PARD3: variants seen among roughly 807,000 people sequenced by gnomAD.
PARD3 encodes the protein partitioning defective 3 homolog.
A neutral mutation model predicts 155.4 loss-of-function variants in PARD3; 75 were observed. That is an observed-to-expected ratio of 0.48 (90% CI 0.40 to 0.58). The LOEUF (loss-of-function observed/expected upper bound fraction) is 0.58, where lower values mean the gene tolerates loss of function less well. PARD3 is among the 20% of genes least tolerant of loss of function. The pLI is 0.00. For synonymous variants in PARD3, 576 were observed against 610.5 expected, an observed-to-expected ratio of 0.94 and a Z score of 0.83; for missense variants, 1,642 against 1,721.7, an observed-to-expected ratio of 0.95 and a Z score of 0.82.
intron 22 of PARD3, among the ~76,000 whole-genome samples, chr10:34,241,596 A>G (rs1953600915): frequency 6.6e-6 from 1 of 152,242 alleles, no homozygotes; most frequent in Non-Finnish European, 1.5e-5. Flanking sequence ...CTCAATACAG[A>G]GCAGGGCAAC....
intron 2 of PARD3, among the ~76,000 whole-genome samples, chr10:34,684,778 T>TACACACACACACACAC (rs3087285): frequency 1.7e-5 from 2 of 119,036 alleles, no homozygotes; most frequent in African/African-American, 3.1e-5. Flanking sequence ...TGATGATACA[T>TACACACACACACACAC]ACACACACAC....
At chr10:34,642,291 G>C (rs946160291) in intron 2 of PARD3, among the ~76,000 whole-genome samples, 5 of 152,026 alleles carry the variant, frequency 3.3e-5, no homozygotes. Context: ...CCACGTCAAA[G>C]GGCCCAGCTG....
intron 2 of PARD3, among the ~76,000 whole-genome samples, chr10:34,665,358 C>CAA (rs201938800): frequency 3.5e-5 from 4 of 114,852 alleles, no homozygotes; most frequent in African/African-American, 1.8e-4. Flanking sequence ...CTGAAAAAAA[C>CAA]AAACAAAAAA....
chr10:34,665,839 A>ACAC (rs933738513), intron 2 of PARD3, among the ~76,000 whole-genome samples: 7 of 140,916 alleles, frequency 5.0e-5, no homozygotes, highest in African/African-American at 2.0e-4. Flanking sequence ...CGTCTCAATT[A>ACAC]AAGAACAGAA....
chr10:34,288,111 T>C (rs1040384899), intron 20 of PARD3, among the ~76,000 whole-genome samples: 5 of 152,124 alleles, frequency 3.3e-5, no homozygotes, highest in Non-Finnish European at 7.3e-5. Context: ...CTCAAGGGGC[T>C]GAGGTGTAAG....
rs1489739714 is a variant in PARD3 at position 34,355,942 on chromosome 10, A to AC, written c.2067+3204_2067+3205insG. 7.5e-3 allele frequency among the ~76,000 whole-genome samples: 970 copies of AC among 129,588 alleles called. 18 individuals carry two copies. Among genetic ancestry groups the AC allele is most frequent in the African/African-American group, 0.036 (918 of 25,768 alleles). 85.0% of individuals were successfully genotyped at this position (129,588 alleles called of 152,430 possible). ...TCCGTCTCAAAAAAAAAAAAAAAAA[A>AC]AAAACAAAACAAAACCAAACAAAAA... On this transcript the variant is annotated intron_variant, in intron 14 of 24. Coordinates refer to ENST00000374788, the MANE Select transcript of PARD3 (RefSeq NM_001184785.2).
intron 22 of PARD3, among the ~76,000 whole-genome samples, chr10:34,167,287 T>C (rs2133090222): frequency 6.6e-6 from 1 of 152,308 alleles, no homozygotes; most frequent in South Asian, 2.1e-4. Flanking sequence ...TCAGGGTCAC[T>C]GTGAACATCA....
intron 20 of PARD3, among the ~76,000 whole-genome samples, chr10:34,296,576 A>T (rs1956921737): frequency 6.6e-6 from 1 of 152,200 alleles, no homozygotes; most frequent in Non-Finnish European, 1.5e-5. Flanking sequence ...CTTTATAAAG[A>T]TCACTATGTA....
chr10:34,621,491 C>T (rs991108853), intron 2 of PARD3, among the ~76,000 whole-genome samples: 4 of 152,128 alleles, frequency 2.6e-5, no homozygotes, highest in African/African-American at 7.2e-5. Context: ...CCACCGCGCC[C>T]GGCCTAGTTT....
chr10:34,577,759 T>G (rs115156552), intron 2 of PARD3, among the ~76,000 whole-genome samples: 1 of 152,178 alleles, frequency 6.6e-6, no homozygotes, highest in African/African-American at 2.4e-5. Context: ...CGTGGGTACA[T>G]AGATGGATTC....
intron 21 of PARD3, among the ~76,000 whole-genome samples, chr10:34,279,247 T>A (rs901437395): frequency 6.7e-6 from 1 of 148,514 alleles, no homozygotes; most frequent in Non-Finnish European, 1.5e-5. Context: ...ACTCCTGGGC[T>A]GAAGTGATGC....
At chr10:34,556,055 T>TA (rs1297858992) in intron 2 of PARD3, among the ~76,000 whole-genome samples, 1 of 152,108 alleles carries the variant, frequency 6.6e-6, no homozygotes, top group East Asian at 1.9e-4. Context: ...AACAAGGAAA[T>TA]AGAGCATTAA....
At chr10:34,182,542 G>A (rs901388709) in intron 22 of PARD3, among the ~76,000 whole-genome samples, 1 of 151,984 alleles carries the variant, frequency 6.6e-6, no homozygotes, top group Admixed American at 6.6e-5. Flanking sequence ...TTGAATTTTT[G>A]GGACATCTAC....
At chr10:34,786,496 G>T (rs1015680159) in intron 1 of PARD3, among the ~76,000 whole-genome samples, 1 of 152,234 alleles carries the variant, frequency 6.6e-6, no homozygotes, top group Admixed American at 6.5e-5. Flanking sequence ...AGGGATGGCA[G>T]AAGTCCACTG....
chr10:34,557,216 G>C (rs954995096), intron 2 of PARD3, among the ~76,000 whole-genome samples: 9 of 152,178 alleles, frequency 5.9e-5, no homozygotes, highest in Non-Finnish European at 1.3e-4. Context: ...TTGGTTTTGA[G>C]GAGAAAAATA....
At chr10:34,763,231 G>C (rs1564593814) in intron 1 of PARD3, among the ~76,000 whole-genome samples, 1 of 152,192 alleles carries the variant, frequency 6.6e-6, no homozygotes, top group Non-Finnish European at 1.5e-5. Flanking sequence ...AGACACTCGG[G>C]TCAGAAATTT....
chr10:34,771,392 G>C (rs939150868), intron 1 of PARD3, among the ~76,000 whole-genome samples: 1 of 152,108 alleles, frequency 6.6e-6, no homozygotes, highest in African/African-American at 2.4e-5. Flanking sequence ...AGATTAAAGG[G>C]GTCCCACGTG....
At chr10:34,632,530 A>G (rs2092312578) in intron 2 of PARD3, among the ~76,000 whole-genome samples, 1 of 152,236 alleles carries the variant, frequency 6.6e-6, no homozygotes, top group African/African-American at 2.4e-5. Context: ...TCTCAGAAGA[A>G]GGTATGAACA....
chr10:34,443,411 A>C (rs1196235230), intron 5 of PARD3, among the ~76,000 whole-genome samples: 1 of 152,160 alleles, frequency 6.6e-6, no homozygotes, highest in Non-Finnish European at 1.5e-5. Context: ...GCTGCTGATA[A>C]ATACATACCC....
Sources: gnomAD v4.1 joint callset for allele counts (sites outside exome capture counted in the v4.1 genomes callset) on GRCh38, gnomAD v4.1.1 for gene constraint, MANE v1.5 for transcripts, NCBI Gene and HGNC (gene_info 2026-07-23, HGNC 2026-07-21) for gene names.